Variants in COL26A1 observed in about 807,000 individuals in gnomAD.
COL26A1 encodes the protein collagen type XXVI alpha 1 chain, also known as collagen alpha-1(XXVI) chain.
Under a neutral mutation model 59.3 loss-of-function variants are expected in COL26A1, and 41 were observed. The observed-to-expected ratio is 0.69, with a 90% confidence interval of 0.54 to 0.90. The LOEUF (loss-of-function observed/expected upper bound fraction) is 0.90. COL26A1 is among the 40% of genes least tolerant of loss of function. The pLI, the probability that COL26A1 is intolerant of heterozygous loss-of-function variation, is 0.00. For synonymous variants in COL26A1, 266 were observed against 256.0 expected, an observed-to-expected ratio of 1.04 and a Z score of -0.37; for missense variants, 612 against 602.3, an observed-to-expected ratio of 1.02 and a Z score of -0.17.
intron 3 of COL26A1, among the ~76,000 whole-genome samples, chr7:101,517,531 T>C (rs1365047442): frequency 1.3e-5 from 2 of 152,186 alleles, no homozygotes; most frequent in African/African-American, 4.8e-5. Context: ...CTCCCACTTA[T>C]ATAATCATCA....
intron 3 of COL26A1, among the ~76,000 whole-genome samples, chr7:101,461,141 A>AT (rs1009361031): frequency 1.9e-4 from 29 of 151,836 alleles, no homozygotes; most frequent in Admixed American, 8.5e-4. Flanking sequence ...ACGCCCAGCA[A>AT]TTTTTTTTGT....
At chr7:101,450,297 C>T (rs1315205406) in intron 3 of COL26A1, among the ~76,000 whole-genome samples, 3 of 152,076 alleles carry the variant, frequency 2.0e-5, no homozygotes, top group Non-Finnish European at 4.4e-5. Context: ...AATATTGCCA[C>T]CCGGGGAAGC....
intron 2 of COL26A1, among the ~76,000 whole-genome samples, chr7:101,426,466 C>G (rs1244352906): frequency 1.3e-5 from 2 of 152,182 alleles, no homozygotes; most frequent in African/African-American, 2.4e-5. Flanking sequence ...TGACCTTCCT[C>G]AAGGTCGCAG....
intron 1 of COL26A1, among the ~76,000 whole-genome samples, chr7:101,368,904 A>T (rs62465618): frequency 0.58 from 87,289 of 150,908 alleles, 26,779 homozygotes; most frequent in African/African-American, 0.8. Flanking sequence ...CTCACTCAAA[A>T]TCTGGCTCTT....
intron 6 of COL26A1, among the ~76,000 whole-genome samples, chr7:101,544,837 CAG>C (rs1205796844): frequency 1.3e-5 from 2 of 152,148 alleles, no homozygotes; most frequent in African/African-American, 4.8e-5. Flanking sequence ...CTGGCCAAAA[CAG>C]GGTCTTCAGG....
chr7:101,398,405 A>G (rs899633402), intron 1 of COL26A1, among the ~76,000 whole-genome samples: 1 of 152,122 alleles, frequency 6.6e-6, no homozygotes, highest in African/African-American at 2.4e-5. Context: ...CCCTCCGCCC[A>G]TAAAGGGCAG....
At chr7:101,495,443 C>G (rs376348070) in intron 3 of COL26A1, among the ~76,000 whole-genome samples, 1 of 151,070 alleles carries the variant, frequency 6.6e-6, no homozygotes, top group African/African-American at 2.4e-5. Flanking sequence ...GAGTCTCGCT[C>G]TGTCGCCCAG....
At chr7:101,445,731 CAAAA>C (rs138245779) in intron 2 of COL26A1, among the ~76,000 whole-genome samples, 1 of 38,446 alleles carries the variant, frequency 2.6e-5, no homozygotes, top group East Asian at 1.1e-3. Context: ...GACTCCGTCT[CAAAA>C]AAAAAAAAAA....
intron 1 of COL26A1, among the ~76,000 whole-genome samples, chr7:101,387,767 TATATATA>T (rs1159856898): frequency 9.5e-4 from 46 of 48,188 alleles, no homozygotes; most frequent in South Asian, 4.6e-3. Context: ...TATATATATA[TATATATA>T]TATATTTTTT....
chr7:101,421,437 G>T (rs996025267), intron 2 of COL26A1, among the ~76,000 whole-genome samples: 2 of 152,170 alleles, frequency 1.3e-5, no homozygotes, highest in Non-Finnish European at 2.9e-5. Context: ...CACTTTGGGA[G>T]GATGAGGCGG....
chr7:101,410,830 T>C (rs1792226178), intron 1 of COL26A1, among the ~76,000 whole-genome samples: 1 of 152,154 alleles, frequency 6.6e-6, no homozygotes. Flanking sequence ...TCCAGAGTGC[T>C]AGGATTTCAG....
At chr7:101,416,676 G>A (rs1459023173) in intron 1 of COL26A1, among the ~76,000 whole-genome samples, 1 of 143,570 alleles carries the variant, frequency 7.0e-6, no homozygotes, top group African/African-American at 2.5e-5. Context: ...CCCTTTAGCT[G>A]TTTCCATTCT....
intron 1 of COL26A1, among the ~76,000 whole-genome samples, chr7:101,378,533 AT>A (rs1056625351): frequency 6.6e-6 from 1 of 151,256 alleles, no homozygotes; most frequent in South Asian, 2.1e-4. Flanking sequence ...AACAAAAAAA[AT>A]TTTTTTTTGT....
intron 2 of COL26A1, among the ~76,000 whole-genome samples, chr7:101,425,815 T>G (rs1584397199): frequency 6.7e-6 from 1 of 148,360 alleles, no homozygotes; most frequent in East Asian, 2.0e-4. Flanking sequence ...CCCCCAGTGC[T>G]TCTTAGCATA....
At chr7:101,375,123 A>T (rs1185800632) in intron 1 of COL26A1, among the ~76,000 whole-genome samples, 2 of 152,112 alleles carry the variant, frequency 1.3e-5, no homozygotes, top group African/African-American at 4.8e-5. Flanking sequence ...AGGATCTGGA[A>T]CCAGGCTGCC....
At chr7:101,421,421 T>C (rs1386735165) in intron 2 of COL26A1, among the ~76,000 whole-genome samples, 1 of 152,182 alleles carries the variant, frequency 6.6e-6, no homozygotes, top group Non-Finnish European at 1.5e-5. Context: ...ATGCTTGTAA[T>C]CCCAGCACTT....
intron 1 of COL26A1, among the ~76,000 whole-genome samples, chr7:101,392,434 C>T (rs1266305462): frequency 3.0e-5 from 4 of 133,426 alleles, no homozygotes; most frequent in Non-Finnish European, 6.2e-5. Context: ...TGGAGTCTCA[C>T]TCTGTCATCT....
intron 1 of COL26A1, among the ~76,000 whole-genome samples, chr7:101,364,871 A>G (rs1791004775): frequency 6.6e-6 from 1 of 152,152 alleles, no homozygotes; most frequent in Non-Finnish European, 1.5e-5. Context: ...CGCCAGGCCC[A>G]GATCTGGTGT....
At chr7:101,493,460 T>C (rs1448013480) in intron 3 of COL26A1, among the ~76,000 whole-genome samples, 1 of 152,064 alleles carries the variant, frequency 6.6e-6, no homozygotes, top group African/African-American at 2.4e-5. Context: ...CTCACCACAC[T>C]AGGTGAGAAC....
Sources: allele counts gnomAD v4.1 joint callset (sites outside exome capture counted in the v4.1 genomes callset), GRCh38; gene constraint gnomAD v4.1.1; transcripts MANE v1.5; gene names NCBI Gene and HGNC (gene_info 2026-07-23, HGNC 2026-07-21).